Variants in EYS observed in about 807,000 individuals in gnomAD.
The protein encoded by EYS is EGF-like photoreceptor maintenance factor.
Under a neutral mutation model 282.1 loss-of-function variants are expected in EYS, and 250 were observed. The ratio of observed to expected loss-of-function variants is 0.89; its 90% CI spans 0.80 to 0.98. The LOEUF (loss-of-function observed/expected upper bound fraction) is 0.98, where lower values mean the gene tolerates loss of function less well. Among genes scored for constraint, EYS ranks in the 50% least tolerant of loss-of-function variants. The pLI, the probability that EYS is intolerant of heterozygous loss-of-function variation, is 0.00. For missense variants in EYS, 4,016 were observed against 3,709.0 expected, an observed-to-expected ratio of 1.08 and a Z score of -2.15; for synonymous variants, 1,355 against 1,282.9, an observed-to-expected ratio of 1.06 and a Z score of -1.20.
At chr6:65,128,174 G>A (rs183764523) in intron 12 of EYS, among the ~76,000 whole-genome samples, 7 of 151,850 alleles carry the variant, frequency 4.6e-5, no homozygotes, top group South Asian at 4.1e-4. Flanking sequence ...TACCATATCC[G>A]ATCAAGGTAG....
chr6:64,448,591 C>T (rs1436292492), intron 26 of EYS, among the ~76,000 whole-genome samples: 2 of 152,218 alleles, frequency 1.3e-5, no homozygotes, highest in African/African-American at 4.8e-5. Flanking sequence ...AGTAGCCTAA[C>T]TGGGAGGCAC....
At chr6:64,094,629 T>C (rs1209330703) in intron 31 of EYS, among the ~76,000 whole-genome samples, 1 of 152,230 alleles carries the variant, frequency 6.6e-6, no homozygotes, top group Non-Finnish European at 1.5e-5. Flanking sequence ...TTATTGCATC[T>C]ATTTGATTCT....
At position 64,637,323 on chromosome 6, in the gene EYS, C is replaced by A. The variant is rs1387892580; in HGVS notation, c.3444-11078G>T. ...ATGGATGAAACTGGAAACCATAATT[C>A]TCAGCAAACTATCGCAAGGACAAAA... On this transcript the variant is annotated intron_variant, in intron 22 of 42. Transcript: ENST00000503581. Among the ~76,000 whole-genome samples the A allele has an allele frequency of 2.3e-5, 2 of 88,460 alleles. 1 individual carries two copies. The allele number at this position is 88,460 out of a possible 152,430, so 58.0% of individuals were successfully genotyped here.
At chr6:64,707,648 G>C (rs1041944245) in intron 22 of EYS, among the ~76,000 whole-genome samples, 2 of 129,932 alleles carry the variant, frequency 1.5e-5, no homozygotes, top group African/African-American at 6.0e-5. Context: ...CGGGGCGACA[G>C]AGTGAGACTC....
intron 5 of EYS, among the ~76,000 whole-genome samples, chr6:65,421,195 T>C (rs936732201): frequency 6.6e-6 from 1 of 151,900 alleles, no homozygotes; most frequent in Non-Finnish European, 1.5e-5. Flanking sequence ...CTGTTTTTTT[T>C]TCACATTGAA....
chr6:64,320,731 C>G (rs1334318321), intron 29 of EYS, among the ~76,000 whole-genome samples: 1 of 151,482 alleles, frequency 6.6e-6, no homozygotes, highest in Non-Finnish European at 1.5e-5. Flanking sequence ...AAATTTTTTC[C>G]ATATTTAATC....
intron 22 of EYS, among the ~76,000 whole-genome samples, chr6:64,628,881 C>A (rs1227531045): frequency 6.6e-6 from 1 of 152,132 alleles, no homozygotes; most frequent in Non-Finnish European, 1.5e-5. Flanking sequence ...ACAGAATGTT[C>A]TCATAGACTA....
At chr6:64,003,973 A>C (rs576855035) in intron 33 of EYS, among the ~76,000 whole-genome samples, 1 of 152,314 alleles carries the variant, frequency 6.6e-6, no homozygotes, top group Non-Finnish European at 1.5e-5. Context: ...ACTGTGAGTC[A>C]ATTAAACCTC....
intron 35 of EYS, among the ~76,000 whole-genome samples, chr6:63,954,704 T>C (rs1765740165): frequency 6.6e-6 from 1 of 152,076 alleles, no homozygotes; most frequent in Non-Finnish European, 1.5e-5. Flanking sequence ...CATCAGTCAC[T>C]CCTGCCTACT....
intron 23 of EYS, among the ~76,000 whole-genome samples, chr6:64,619,748 C>T (rs146333685): frequency 2.6e-5 from 4 of 152,134 alleles, no homozygotes; most frequent in African/African-American, 9.6e-5. Flanking sequence ...GATCACACAT[C>T]ACTGCAGCCT....
At chr6:63,908,041 T>C (rs1177373287) in intron 35 of EYS, among the ~76,000 whole-genome samples, 1 of 40,280 alleles carries the variant, frequency 2.5e-5, no homozygotes, top group African/African-American at 2.5e-4. Context: ...TACGTTTGTG[T>C]GTGTGTGTGT....
intron 6 of EYS, among the ~76,000 whole-genome samples, chr6:65,403,570 GAGGTATAT>G (rs1290584209): frequency 6.6e-6 from 1 of 151,874 alleles, no homozygotes; most frequent in Admixed American, 6.6e-5. Context: ...AACGTTGAAA[GAGGTATAT>G]AGCTTGCCCA....
chr6:64,879,787 A>T (rs1365537984), intron 19 of EYS, among the ~76,000 whole-genome samples: 1 of 152,068 alleles, frequency 6.6e-6, no homozygotes, highest in Non-Finnish European at 1.5e-5. Context: ...AAGAAAACAT[A>T]TTTGGTTAGG....
intron 8 of EYS, among the ~76,000 whole-genome samples, chr6:65,373,331 G>A (rs1220958455): frequency 1.3e-5 from 2 of 152,114 alleles, no homozygotes; most frequent in Non-Finnish European, 2.9e-5. Flanking sequence ...AAAATTTCAT[G>A]TTAAATGCTA....
intron 31 of EYS, among the ~76,000 whole-genome samples, chr6:64,229,120 C>T (rs941305708): frequency 6.6e-6 from 1 of 152,040 alleles, no homozygotes; most frequent in South Asian, 2.1e-4. Flanking sequence ...ACTAAAAATA[C>T]AAAAGTTAGC....
chr6:64,672,890 G>A (rs1041588012), intron 22 of EYS, among the ~76,000 whole-genome samples: 4 of 151,990 alleles, frequency 2.6e-5, no homozygotes, highest in African/African-American at 9.7e-5. Context: ...ACCCTCACAG[G>A]GAAATGAAAT....
intron 2 of EYS, among the ~76,000 whole-genome samples, chr6:65,514,577 T>G (rs945326720): frequency 5.4e-4 from 82 of 152,210 alleles, no homozygotes; most frequent in African/African-American, 9.9e-4. Context: ...GCATGGTACT[T>G]GTACCAAAAC....
Position 64,278,717 on chromosome 6 carries a change from A to ACT in EYS, c.6191+28251_6191+28252dup, listed in dbSNP as rs113366162. On this transcript the variant is annotated intron_variant, in intron 30 of 42. Transcript: ENST00000503581. ...ATTAGTCTAGTTTGGTCAGCCAAAA[A>ACT]CTCTCTCTCTCTCTCTCTCTCTTTC... 6.3e-3 allele frequency among the ~76,000 whole-genome samples: 902 copies of ACT among 142,106 alleles called. 6 individuals are homozygous for ACT. Among genetic ancestry groups the ACT allele is most frequent in the South Asian group, 0.016 (72 of 4,400 alleles). The allele number at this position is 142,106 out of a possible 152,430, so 93.2% of individuals were successfully genotyped here. A position where few individuals can be genotyped will look rare whatever the true frequency, so the allele number is the denominator to read the frequency against.
At chr6:63,961,681 C>A (rs1242873603) in intron 35 of EYS, among the ~76,000 whole-genome samples, 1 of 152,134 alleles carries the variant, frequency 6.6e-6, no homozygotes, top group Non-Finnish European at 1.5e-5. Context: ...GACAAACAGA[C>A]CCCTCAAGTC....
Sources: allele counts gnomAD v4.1 joint callset (sites outside exome capture counted in the v4.1 genomes callset), GRCh38; gene constraint gnomAD v4.1.1; transcripts MANE v1.5; gene names NCBI Gene and HGNC (gene_info 2026-07-23, HGNC 2026-07-21).